The following SUSD1 variants were observed in gnomAD, a reference collection of about 807,000 sequenced individuals.
The protein encoded by SUSD1 is sushi domain-containing protein 1.
Under a neutral mutation model 86.9 loss-of-function variants are expected in SUSD1, and 65 were observed. The observed-to-expected ratio is 0.75, with a 90% CI of 0.61 to 0.92. The LOEUF (loss-of-function observed/expected upper bound fraction) is 0.92. Ranked by LOEUF, SUSD1 falls within the 40% of genes least tolerant of loss-of-function variation. The pLI is 0.00. For synonymous variants in SUSD1, 346 were observed against 350.0 expected (o/e 0.99, Z 0.13); for missense variants, 850 against 929.7 (o/e 0.91, Z 1.11).
intron 12 of SUSD1, among the ~76,000 whole-genome samples, chr9:112,063,763 CTAAG>C (rs1206025314): frequency 6.6e-6 from 1 of 152,290 alleles, no homozygotes; most frequent in East Asian, 1.9e-4. Context: ...GGGTAACACG[CTAAG>C]TAAGACATAC....
chr9:112,102,524 A>G (rs1830673382), intron 8 of SUSD1, among the ~76,000 whole-genome samples: 1 of 152,230 alleles, frequency 6.6e-6, no homozygotes, highest in Admixed American at 6.5e-5. Context: ...CAAGTAATTC[A>G]GCTTGCTTTT....
intron 2 of SUSD1, among the ~76,000 whole-genome samples, chr9:112,152,160 G>A (rs528879556): frequency 2.1e-4 from 31 of 148,796 alleles, no homozygotes; most frequent in Middle Eastern, 3.4e-3. Context: ...CCGAGATCGC[G>A]CCATTGCACT....
chr9:112,067,369 A>C (rs985161307), intron 12 of SUSD1, among the ~76,000 whole-genome samples: 23 of 152,204 alleles, frequency 1.5e-4, no homozygotes, highest in African/African-American at 5.3e-4. Flanking sequence ...AACAAGATCC[A>C]TCCTGGGCCT....
At chr9:112,136,925 C>T (rs1458114212) in intron 5 of SUSD1, among the ~76,000 whole-genome samples, 3 of 152,168 alleles carry the variant, frequency 2.0e-5, no homozygotes, top group Non-Finnish European at 4.4e-5. Flanking sequence ...TGTGCATGAA[C>T]GTGCATGTTT....
At chr9:112,058,821 G>C (rs1355376351) in intron 13 of SUSD1, 135 bp from the exon 14 acceptor site, 7 of 1,049,608 alleles carry the variant, frequency 6.7e-6, no homozygotes, top group Non-Finnish European at 9.4e-6. Flanking sequence ...TTGAGATGGA[G>C]TCTTGCTCTG....
At chr9:112,099,461 T>C (rs1385524245) in intron 9 of SUSD1, among the ~76,000 whole-genome samples, 1 of 151,962 alleles carries the variant, frequency 6.6e-6, no homozygotes, top group South Asian at 2.1e-4. Context: ...CAAAAACATA[T>C]GGGGACCACC....
At chr9:112,169,225 A>G (rs962637731) in intron 1 of SUSD1, 14 of 152,274 alleles carry the variant, frequency 9.2e-5, no homozygotes, top group African/African-American at 3.1e-4. Context: ...TCAAATTGTC[A>G]TATATTTCCC....
chr9:112,118,688 T>C lies in SUSD1; in HGVS notation c.886+5569A>G, dbSNP rs188840705. 2.3e-3 allele frequency among the ~76,000 whole-genome samples: 356 copies of C among 152,326 alleles called. 2 individuals carry two copies. Among genetic ancestry groups the C allele is most frequent in the Middle Eastern group, 0.01 (3 of 294 alleles). On this transcript the variant is annotated intron_variant, in intron 6 of 16. Coordinates refer to ENST00000374270, the MANE Select transcript of SUSD1 (RefSeq NM_022486.5). Reference sequence around the variant, plus strand: ...TTAGTAGAGACGGGGTTTCACCATGTTGGCCAGGCTGGTCTCAAATTCCTG... The same window carrying C: ...TTAGTAGAGACGGGGTTTCACCATGCTGGCCAGGCTGGTCTCAAATTCCTG...
chr9:112,162,644 G>A (rs1187771627), intron 1 of SUSD1, among the ~76,000 whole-genome samples: 1 of 152,204 alleles, frequency 6.6e-6, no homozygotes, highest in Non-Finnish European at 1.5e-5. Flanking sequence ...ACTTAAAGCT[G>A]TTGGAACTTT....
intron 12 of SUSD1, among the ~76,000 whole-genome samples, chr9:112,064,222 A>G (rs182763816): frequency 8.5e-4 from 130 of 152,228 alleles, no homozygotes; most frequent in African/African-American, 3.0e-3. Context: ...GTGGCCTGTT[A>G]GGAACCAGGC....
intron 10 of SUSD1, among the ~76,000 whole-genome samples, chr9:112,091,522 C>G (rs549956642): frequency 1.3e-5 from 2 of 152,182 alleles, no homozygotes; most frequent in East Asian, 1.9e-4. Flanking sequence ...TTGGGAATAT[C>G]TAAATGCATG....
At chr9:112,081,241 A>G (rs766885546) in intron 10 of SUSD1, among the ~76,000 whole-genome samples, 11 of 152,368 alleles carry the variant, frequency 7.2e-5, no homozygotes, top group Admixed American at 4.6e-4. Context: ...AATTACGTGA[A>G]AAAAGGAAGG....
At chr9:112,050,411 TC>T (rs1319823015) in intron 15 of SUSD1, among the ~76,000 whole-genome samples, 1 of 152,074 alleles carries the variant, frequency 6.6e-6, no homozygotes, top group East Asian at 1.9e-4. Flanking sequence ...GAAAATAAGA[TC>T]AGGAGAGAAG....
chr9:112,041,478 G>A lies in SUSD1; in HGVS notation c.*14C>T, dbSNP rs1827731515. ...AGCAGCAGTGCATCCTCCCCACTCA[G>A]TGTCCATCTGCCATCTAGACATGGA... On this transcript the variant is annotated 3_prime_UTR_variant, in exon 17 of 17. Transcript: ENST00000374270. The A allele has an allele frequency of 1.3e-6, 1 of 781,032 alleles. No homozygotes were observed. The highest frequency in any genetic ancestry group is 2.4e-6 in the Non-Finnish European group (1 of 418,116). 48.4% of individuals were successfully genotyped at this position (781,032 alleles called of 1,614,324 possible). A position where few individuals can be genotyped will look rare whatever the true frequency, so the allele number is the denominator to read the frequency against.
At chr9:112,057,214 G>A (rs981045789) in intron 14 of SUSD1, among the ~76,000 whole-genome samples, 3 of 152,210 alleles carry the variant, frequency 2.0e-5, no homozygotes, top group African/African-American at 7.2e-5. Flanking sequence ...CTGGGGAACT[G>A]AATCAGCTGG....
intron 4 of SUSD1, 99 bp from the exon 5 acceptor site, chr9:112,142,598 C>CA: frequency 8.8e-7 from 1 of 1,133,412 alleles, no homozygotes. Context: ...CACACACACA[C>CA]CCCCGAGCCA....
intron 8 of SUSD1, among the ~76,000 whole-genome samples, chr9:112,105,309 C>T (rs1006790106): frequency 2.6e-4 from 40 of 151,860 alleles, no homozygotes; most frequent in African/African-American, 9.4e-4. Flanking sequence ...CAAGCAATTC[C>T]ACACAGGGGT....
At chr9:112,105,255 C>T (rs1830787715) in intron 8 of SUSD1, among the ~76,000 whole-genome samples, 1 of 151,782 alleles carries the variant, frequency 6.6e-6, no homozygotes, top group Non-Finnish European at 1.5e-5. Context: ...AGGAAAAAGA[C>T]ATGGACGATA....
chr9:112,138,540 C>T (rs1042642793), intron 5 of SUSD1, among the ~76,000 whole-genome samples: 2 of 150,634 alleles, frequency 1.3e-5, no homozygotes, highest in Non-Finnish European at 1.5e-5. Context: ...CTCACAGCAA[C>T]CTCCACCTCC....
Sources: gnomAD v4.1 joint callset for allele counts (sites outside exome capture counted in the v4.1 genomes callset) on GRCh38, gnomAD v4.1.1 for gene constraint, MANE v1.5 for transcripts, NCBI Gene and HGNC (gene_info 2026-07-23, HGNC 2026-07-21) for gene names.